The following STX5 variants were observed in gnomAD, a reference collection of about 807,000 sequenced individuals.
STX5 encodes the protein syntaxin-5.
In STX5, 15 loss-of-function variants were observed where a neutral mutation model predicts 42.9. The observed-to-expected ratio is 0.35, with a 90% CI of 0.23 to 0.54. The LOEUF is 0.54. Among genes scored for constraint, STX5 ranks in the 20% least tolerant of loss-of-function variants. STX5 has a pLI of 0.91. For synonymous variants in STX5, 184 were observed against 173.2 expected (o/e 1.06, Z -0.49); for missense variants, 430 against 455.0 (o/e 0.95, Z 0.50).
intron 10 of STX5, among the ~76,000 whole-genome samples, chr11:62,810,034 G>T (rs538794664): frequency 1.7e-4 from 25 of 150,096 alleles, no homozygotes; most frequent in African/African-American, 5.9e-4. Context: ...CCCGGGAGGC[G>T]GAGATTGCAG....
chr11:62,813,022 G>T (rs1590963622), intron 10 of STX5, among the ~76,000 whole-genome samples: 2 of 146,416 alleles, frequency 1.4e-5, no homozygotes. Context: ...TGAGGCAGAA[G>T]AATCATTTGA....
intron 10 of STX5, among the ~76,000 whole-genome samples, chr11:62,810,124 A>T (rs2084601121): frequency 2.0e-5 from 3 of 151,244 alleles, no homozygotes; most frequent in East Asian, 3.9e-4. Context: ...AAAAAAAAGA[A>T]AGAAAAAGAA....
chr11:62,809,647 C>T (rs1486595128), intron 10 of STX5, among the ~76,000 whole-genome samples: 1 of 112,544 alleles, frequency 8.9e-6, no homozygotes, highest in Non-Finnish European at 1.6e-5. Context: ...GCACTCCAGC[C>T]TGGGAAACAG....
intron 1 of STX5, among the ~76,000 whole-genome samples, 163 bp from the exon 2 acceptor site, chr11:62,831,425 C>G (rs181046244): frequency 2.0e-5 from 3 of 152,208 alleles, no homozygotes; most frequent in Admixed American, 2.0e-4. Flanking sequence ...GAAAGGGCCC[C>G]GCTTTTCCCC....
rs931664046 is a variant in STX5 at position 62,808,334 on chromosome 11, G to A, written c.909-706C>T. Among the ~76,000 whole-genome samples the A allele has an allele frequency of 2.0e-5, 3 of 152,080 alleles. No homozygotes were observed. The South Asian group carries it at 6.2e-4, about 32-fold the overall frequency. On this transcript the variant is annotated intron_variant, in intron 10 of 10. Transcript: ENST00000294179. ...CCAGCTACTCGGGAGGCTGAGGTGGGAGGATAGCTTGAACCCAGGAGGTTG... is the reference window on the plus strand; with the variant it reads ...CCAGCTACTCGGGAGGCTGAGGTGGAAGGATAGCTTGAACCCAGGAGGTTG...
At chr11:62,809,673 CAAAAAAAAAAAAAAAAAAA>C (rs749188946) in intron 10 of STX5, among the ~76,000 whole-genome samples, 385 of 19,198 alleles carry the variant, frequency 0.02, 13 homozygotes, top group Middle Eastern at 0.083. Context: ...GACTCTGTCT[CAAAAAAAAAAAAAAAAAAA>C]AAAAAAAAAA....
intron 10 of STX5, among the ~76,000 whole-genome samples, chr11:62,811,118 T>G (rs2084612401): frequency 6.6e-6 from 1 of 152,094 alleles, no homozygotes; most frequent in Admixed American, 6.5e-5. Flanking sequence ...GATTCTTCCC[T>G]TCTCTACATA....
At chr11:62,830,619 T>A (rs2084845870) in intron 2 of STX5, 1 of 458,524 alleles carries the variant, frequency 2.2e-6, no homozygotes. Context: ...AAAACTAATA[T>A]GTAACTAGAT....
intron 10 of STX5, among the ~76,000 whole-genome samples, chr11:62,812,027 T>C (rs1348445278): frequency 6.6e-6 from 1 of 151,308 alleles, no homozygotes; most frequent in South Asian, 2.1e-4. Context: ...CTATATGCTA[T>C]AACTTTATTT....
rs1472316812 is a variant in STX5 at position 62,825,426 on chromosome 11, C to T, written c.537G>A (p.Leu179=). 6 of 1,614,028 alleles carry T rather than the reference C, an allele frequency of 3.7e-6. No individual in the cohort carries two copies. In the Admixed American group the frequency reaches 1.0e-4, roughly 27 times the overall value. ...QTHSNTIVVS[L]QSKLASMSND... ...TCCCTTCCTCCCCAGGTCCCACCTG[C>T]AAGGAGACCACAATGGTGTTGGAGT... The change falls in exon 6 of 11, where the codon TTG becomes TTA. Residue 179 remains leucine, a synonymous_variant. Coordinates refer to ENST00000294179, the MANE Select transcript of STX5 (RefSeq NM_003164.5).
intron 10 of STX5, 159 bp from the exon 11 acceptor site, chr11:62,807,787 T>G (rs2084569586): frequency 7.4e-7 from 1 of 1,356,836 alleles, no homozygotes. Context: ...TATAAACAAG[T>G]TATTTCTGGT....
rs147616951 is a variant in STX5, at chr11:62,825,293, A to G, written c.587T>C (p.Val196Ala). 1.2e-6 allele frequency: 2 copies of G among 1,613,866 alleles called. No individual in the cohort carries two copies. Among genetic ancestry groups the G allele is most frequent in the African/African-American group, 2.7e-5 (2 of 74,858 alleles). The change falls in exon 7 of 11, where the codon GTG becomes GCG. Residue 196 changes from valine (V) to alanine (A), a missense_variant. Transcript: ENST00000294179. The stretch of plus-strand genomic sequence containing the variant: ...GCAGATTGTTCTCACCTCTGTCCTC[A>G]CTTCTAAAACCGATTTGAAGTCATT... The part of the protein sequence containing the change: ...MSNDFKSVLE[V>A]RTENLKQQRS...
chr11:62,829,415 A>T (rs2134859531), intron 2 of STX5, among the ~76,000 whole-genome samples: 1 of 141,794 alleles, frequency 7.1e-6, no homozygotes, highest in Non-Finnish European at 1.6e-5. Flanking sequence ...CAAGAGCGAA[A>T]TTCCCATCTC....
At position 62,825,073 on chromosome 11, in the gene STX5, T is replaced by G. The variant is rs760317519; in HGVS notation, c.642A>C (p.Ala214=). The change falls in exon 8 of 11, where the codon GCA becomes GCC. Residue 214 remains alanine (A), a synonymous_variant. Transcript: ENST00000294179. ...QRSRREQFSR[A]PVSALPLAPN... is the part of the protein sequence containing the mutation. ...GGGCAAGGGGCAGGGCTGACACAGG[T>G]GCCCGGGAGAACTGCTCTCTCCGGC... 6 of 1,613,800 alleles carry G rather than the reference T, an allele frequency of 3.7e-6. No individual in the cohort carries two copies. The East Asian group carries it at 1.3e-4, about 36-fold the overall frequency.
rs796172001 is a variant in STX5, at chr11:62,816,735, A to AG, written c.908+7430_908+7431insC. Among the ~76,000 whole-genome samples the AG allele has an allele frequency of 1.8e-3, 158 of 89,774 alleles. 2 individuals carry two copies. The highest frequency in any genetic ancestry group is 6.5e-3 in the African/African-American group (148 of 22,628). The allele number at this position is 89,774 out of a possible 152,430, so 58.9% of individuals were successfully genotyped here. On this transcript the variant is annotated intron_variant, in intron 10 of 10. Coordinates refer to ENST00000294179, the MANE Select transcript of STX5 (RefSeq NM_003164.5). ...CCCGCCTTTACTGAAAAAAAAAAAA[A>AG]AAAAAAAGAAGAATTAGCTGGGTAT... is the stretch of plus-strand genomic sequence containing the variant.
intron 10 of STX5, among the ~76,000 whole-genome samples, chr11:62,814,643 T>G (rs1717733288): frequency 6.6e-6 from 1 of 151,714 alleles, no homozygotes; most frequent in Middle Eastern, 3.2e-3. Flanking sequence ...TTTTTTTTTT[T>G]TGAGATGGAG....
In STX5 at chr11:62,824,169, T is replaced by C. The variant is rs1428534705; in HGVS notation, c.905A>G (p.Gln302Arg). The change falls in exon 10 of 11, where the codon CAG (glutamine) becomes CGG (arginine). Residue 302 changes from glutamine to arginine, a missense_variant. Transcript: ENST00000294179. Reference sequence around the variant, plus strand: ...GGGGCGAGAGAGTGTATCTCACCTCTGAATGGTTTCCTCCTGTTCCTTAAC... The same window carrying C: ...GGGGCGAGAGAGTGTATCTCACCTCCGAATGGTTTCCTCCTGTTCCTTAAC... The part of the protein sequence containing the change: ...HMVKEQEETI[Q>R]RIDENVLGAQ... The C allele has an allele frequency of 6.2e-7, 1 of 1,614,188 alleles. No homozygotes were observed. Among genetic ancestry groups the C allele is most frequent in the East Asian group, 2.2e-5 (1 of 44,884 alleles).
intron 2 of STX5, 136 bp downstream of exon 2, chr11:62,830,883 A>C (rs1590978430): frequency 1.2e-6 from 1 of 842,098 alleles, no homozygotes; most frequent in Admixed American, 2.1e-5. Flanking sequence ...CTTATAGCAG[A>C]CCCTACAGGC....
intron 2 of STX5, chr11:62,830,635 A>G: frequency 4.3e-6 from 2 of 464,142 alleles, no homozygotes; most frequent in Non-Finnish European, 8.4e-6. Flanking sequence ...TAGATTAACT[A>G]ATTTTCTCAT....
Sources: allele counts gnomAD v4.1 joint callset (sites outside exome capture counted in the v4.1 genomes callset), GRCh38; gene constraint gnomAD v4.1.1; transcripts MANE v1.5; gene names NCBI Gene and HGNC (gene_info 2026-07-23, HGNC 2026-07-21).